Variants in FAM210A observed in about 807,000 individuals in gnomAD.
FAM210A encodes family with sequence similarity 210 member A.
In FAM210A, 13 loss-of-function variants were observed where a neutral mutation model predicts 25.3. The observed-to-expected ratio is 0.51, with a 90% CI of 0.33 to 0.82. FAM210A has a LOEUF of 0.82. FAM210A is among the 40% of genes least tolerant of loss of function. FAM210A has a pLI of 0.02. For synonymous variants in FAM210A, 125 were observed against 118.7 expected (o/e 1.05, Z -0.35); for missense variants, 319 against 323.2 (o/e 0.99, Z 0.10).
At chr18:13,673,684 A>G (rs547883111) in intron 2 of FAM210A, among the ~76,000 whole-genome samples, 74 of 143,992 alleles carry the variant, frequency 5.1e-4, no homozygotes, top group Admixed American at 1.5e-3. Context: ...AACATTCCTG[A>G]GCCGTGACTT....
intron 1 of FAM210A, among the ~76,000 whole-genome samples, chr18:13,714,322 T>C (rs2043844388): frequency 6.6e-6 from 1 of 152,162 alleles, no homozygotes; most frequent in Non-Finnish European, 1.5e-5. Context: ...GGCTGCAGGA[T>C]ACCTTCGAAA....
chr18:13,715,175 A>G (rs1051440175), intron 1 of FAM210A: 3 of 152,148 alleles, frequency 2.0e-5, no homozygotes, highest in African/African-American at 7.2e-5. Flanking sequence ...TGATCAGATG[A>G]AAGTTTTGAC....
rs1196946258 is a variant in FAM210A, at chr18:13,681,942, C to T, written c.136G>A (p.Val46Ile). 6.2e-7 allele frequency: 1 copy of T among 1,614,142 alleles called. No homozygotes were observed. Among genetic ancestry groups the T allele is most frequent in the African/African-American group, 1.3e-5 (1 of 75,026 alleles). ...LLLYNAESKV[V>I]LVQGPQKQWL... Reference sequence around the variant, plus strand: ...TGTTTTTGAGGGCCTTGTACCAAAACCACTTTGGATTCAGCATTGTATAAA... The same window carrying T: ...TGTTTTTGAGGGCCTTGTACCAAAATCACTTTGGATTCAGCATTGTATAAA... The change falls in exon 2 of 4, where the codon GTT becomes ATT. Residue 46 changes from valine to isoleucine, a missense_variant. Coordinates refer to ENST00000651643, the MANE Select transcript of FAM210A (RefSeq NM_152352.4).
At chr18:13,698,964 C>G (rs1203579355) in intron 1 of FAM210A, among the ~76,000 whole-genome samples, 1 of 152,158 alleles carries the variant, frequency 6.6e-6, no homozygotes, top group East Asian at 1.9e-4. Flanking sequence ...GTGTGTGTGT[C>G]TTTAACTCTC....
At chr18:13,724,629 AAT>A (rs2043919436) in intron 1 of FAM210A, among the ~76,000 whole-genome samples, 1 of 152,234 alleles carries the variant, frequency 6.6e-6, no homozygotes, top group African/African-American at 2.4e-5. Context: ...TGCTTTCAAG[AAT>A]CCTTCCCCTC....
chr18:13,673,297 T>G (rs1362399319), intron 2 of FAM210A, among the ~76,000 whole-genome samples: 2 of 148,822 alleles, frequency 1.3e-5, no homozygotes, highest in South Asian at 4.3e-4. Context: ...CCGACTTCTT[T>G]ATTTCCAGTT....
chr18:13,669,712 G>T (rs967099494), intron 3 of FAM210A, among the ~76,000 whole-genome samples: 4 of 152,144 alleles, frequency 2.6e-5, no homozygotes, highest in African/African-American at 9.7e-5. Flanking sequence ...TATGAGGCAG[G>T]TATTTTGCAC....
At chr18:13,694,781 C>G (rs1483495242) in intron 1 of FAM210A, among the ~76,000 whole-genome samples, 1 of 152,206 alleles carries the variant, frequency 6.6e-6, no homozygotes. Flanking sequence ...AAAACCTAGG[C>G]AATGCCATTC....
Position 13,716,780 on chromosome 18 carries a change from C to T in FAM210A, c.-29+9549G>A, listed in dbSNP as rs566333610. Among the ~76,000 whole-genome samples the T allele has an allele frequency of 9.2e-5, 14 of 152,280 alleles. No homozygotes were observed. The East Asian group carries it at 2.5e-3, about 27-fold the overall frequency. On this transcript the variant is annotated intron_variant, in intron 1 of 3. Transcript: ENST00000651643. ...TGCTGCCTTGTGAAGAAGGTGCCTG[C>T]TTCCCCTTTGCCTTCCACTATGATT...
At chr18:13,692,634 C>T (rs995956745) in intron 1 of FAM210A, among the ~76,000 whole-genome samples, 3 of 152,198 alleles carry the variant, frequency 2.0e-5, no homozygotes, top group Admixed American at 6.5e-5. Context: ...GGACAACTTG[C>T]TCCTGAATGA....
intron 1 of FAM210A, among the ~76,000 whole-genome samples, chr18:13,698,860 G>A (rs542714026): frequency 1.3e-5 from 2 of 152,244 alleles, no homozygotes; most frequent in Admixed American, 6.5e-5. Context: ...GCCTGTAAGC[G>A]GCAGTGAGCA....
rs566783270 is a variant in FAM210A, at chr18:13,700,171, T to C, written c.-28-18066A>G. On this transcript the variant is annotated intron_variant, in intron 1 of 3. Coordinates refer to ENST00000651643, the MANE Select transcript of FAM210A (RefSeq NM_152352.4). ...CCCCACTTCAGATGCAAATCACAAG[T>C]AGTAAGTTGTTACCCATACTTCTCA... Among the ~76,000 whole-genome samples the C allele has an allele frequency of 1.8e-4, 28 of 152,316 alleles. No individual in the cohort carries two copies. In the South Asian group the frequency reaches 5.6e-3, roughly 30 times the overall value.
chr18:13,690,302 G>A (rs2043632343), intron 1 of FAM210A, among the ~76,000 whole-genome samples: 3 of 152,256 alleles, frequency 2.0e-5, no homozygotes, highest in African/African-American at 7.2e-5. Flanking sequence ...AGGCCTGCCT[G>A]CCTCTGTAGA....
At chr18:13,694,420 G>C (rs542255430) in intron 1 of FAM210A, among the ~76,000 whole-genome samples, 1 of 152,306 alleles carries the variant, frequency 6.6e-6, no homozygotes, top group East Asian at 1.9e-4. Flanking sequence ...ACAATCCTAA[G>C]CCAAAAGAAC....
chr18:13,672,821 T>A (rs1368779687), intron 2 of FAM210A, among the ~76,000 whole-genome samples: 1 of 152,244 alleles, frequency 6.6e-6, no homozygotes, highest in East Asian at 1.9e-4. Context: ...TGATGAAAAC[T>A]TCAATTACTC....
At chr18:13,683,282 G>A (rs1447113522) in intron 1 of FAM210A, among the ~76,000 whole-genome samples, 3 of 152,174 alleles carry the variant, frequency 2.0e-5, no homozygotes, top group South Asian at 2.1e-4. Flanking sequence ...AATCACTTAC[G>A]TTATTGAATG....
chr18:13,673,398 GATT>G (rs2043460457), intron 2 of FAM210A, among the ~76,000 whole-genome samples: 2 of 145,852 alleles, frequency 1.4e-5, no homozygotes, highest in South Asian at 2.2e-4. Context: ...CCAGTTTCCT[GATT>G]ATTAACATTC....
chr18:13,695,462 C>G (rs1198214061), intron 1 of FAM210A, among the ~76,000 whole-genome samples: 1 of 152,164 alleles, frequency 6.6e-6, no homozygotes. Flanking sequence ...TTGGGACCAA[C>G]CCAAATGTCC....
chr18:13,720,397 G>A (rs747626735), intron 1 of FAM210A, among the ~76,000 whole-genome samples: 2 of 152,104 alleles, frequency 1.3e-5, no homozygotes, highest in Non-Finnish European at 2.9e-5. Context: ...TAAACAACCT[G>A]AAGTAGCACA....
Sources: gnomAD v4.1 joint callset for allele counts (sites outside exome capture counted in the v4.1 genomes callset) on GRCh38, gnomAD v4.1.1 for gene constraint, MANE v1.5 for transcripts, NCBI Gene and HGNC (gene_info 2026-07-23, HGNC 2026-07-21) for gene names.